FBXW7: variants seen among roughly 807,000 people sequenced by gnomAD.
FBXW7 encodes F-box and WD repeat domain containing 7.
Under a neutral mutation model 86.3 loss-of-function variants are expected in FBXW7, and 11 were observed. That is an observed-to-expected ratio of 0.13 (90% CI 0.08 to 0.21). The LOEUF (loss-of-function observed/expected upper bound fraction) is 0.21, where lower values mean the gene tolerates loss of function less well. FBXW7 is among the 10% of genes least tolerant of loss of function. FBXW7 has a pLI of 1.00. For synonymous variants in FBXW7, 313 were observed against 297.9 expected (o/e 1.05, Z -0.52); for missense variants, 488 against 847.4 (o/e 0.58, Z 5.27).
intron 2 of FBXW7, among the ~76,000 whole-genome samples, chr4:152,458,023 T>C (rs1742593062): frequency 6.6e-6 from 1 of 152,094 alleles, no homozygotes; most frequent in Non-Finnish European, 1.5e-5. Context: ...TTTTGTTTTG[T>C]TTTTGAGATG....
chr4:152,378,451 C>T (rs927017524), intron 4 of FBXW7, among the ~76,000 whole-genome samples: 5 of 152,128 alleles, frequency 3.3e-5, no homozygotes, highest in Admixed American at 3.3e-4. Context: ...TCCTGTGTTG[C>T]TGATGCCTAT....
At chr4:152,520,229 C>A (rs1197599584) in intron 2 of FBXW7, among the ~76,000 whole-genome samples, 2 of 151,408 alleles carry the variant, frequency 1.3e-5, no homozygotes, top group African/African-American at 2.4e-5. Context: ...GTCAGGAGAT[C>A]GAGACCATCC....
chr4:152,350,456 G>A (rs1034233818), intron 4 of FBXW7, among the ~76,000 whole-genome samples: 1 of 151,582 alleles, frequency 6.6e-6, no homozygotes. Context: ...AAAATCTCAA[G>A]TTAATCCACA....
chr4:152,352,885 A>C (rs1578966146), intron 4 of FBXW7: 2 of 1,454,790 alleles, frequency 1.4e-6, no homozygotes, highest in Non-Finnish European at 1.8e-6. Flanking sequence ...TGAACACAGA[A>C]TGGTGCAGTC....
At chr4:152,439,470 C>A (rs1030603786) in intron 2 of FBXW7, among the ~76,000 whole-genome samples, 1 of 152,070 alleles carries the variant, frequency 6.6e-6, no homozygotes, top group Non-Finnish European at 1.5e-5. Flanking sequence ...TACACAGGAA[C>A]AAGCCACTCA....
chr4:152,449,246 A>C (rs1741691985), intron 2 of FBXW7, among the ~76,000 whole-genome samples: 1 of 152,208 alleles, frequency 6.6e-6, no homozygotes, highest in African/African-American at 2.4e-5. Context: ...CTATAGATTA[A>C]TTTACAGAAT....
chr4:152,523,373 A>G (rs2149734799), intron 2 of FBXW7, among the ~76,000 whole-genome samples: 1 of 152,364 alleles, frequency 6.6e-6, no homozygotes, highest in Non-Finnish European at 1.5e-5. Context: ...TAAAGGGTAG[A>G]AAACACAAAA....
intron 2 of FBXW7, among the ~76,000 whole-genome samples, chr4:152,449,025 C>T (rs2127010204): frequency 6.6e-6 from 1 of 152,258 alleles, no homozygotes; most frequent in Middle Eastern, 3.4e-3. Flanking sequence ...GAATGAGCTC[C>T]ACCCCTCCCC....
chr4:152,440,206 T>C (rs1740762681), intron 2 of FBXW7, among the ~76,000 whole-genome samples: 1 of 152,202 alleles, frequency 6.6e-6, no homozygotes, highest in Non-Finnish European at 1.5e-5. Context: ...AAATTTTTTT[T>C]CAGTTTCTTA....
chr4:152,493,275 G>A (rs1373236649), intron 2 of FBXW7, among the ~76,000 whole-genome samples: 3 of 151,622 alleles, frequency 2.0e-5, no homozygotes, highest in South Asian at 4.2e-4. Flanking sequence ...AGCGATTCTC[G>A]TGCCTCAGCC....
Position 152,320,648 on chromosome 4 carries a change from C to T in FBXW7, c.*2233G>A, listed in dbSNP as rs1435213967. ...CGGCTACAGAACAGTCAGAAAGTAC[C>T]AGAAAAATGGCTTATTTCCCTCTCA... On this transcript the variant is annotated 3_prime_UTR_variant, in exon 14 of 14. Transcript: ENST00000281708. The T allele has an allele frequency of 1.3e-5, 2 of 151,766 alleles. No individual in the cohort carries two copies. Among genetic ancestry groups the T allele is most frequent in the African/African-American group, 2.4e-5 (1 of 41,326 alleles). The allele number at this position is 151,766 out of a possible 1,614,324, so 9.4% of individuals were successfully genotyped here.
chr4:152,522,608 T>C (rs1480278793), intron 2 of FBXW7, among the ~76,000 whole-genome samples: 1 of 152,082 alleles, frequency 6.6e-6, no homozygotes, highest in Non-Finnish European at 1.5e-5. Context: ...ACCTAACCTC[T>C]ACCCACGAGA....
intron 2 of FBXW7, among the ~76,000 whole-genome samples, chr4:152,506,187 G>A (rs1199002970): frequency 4.6e-5 from 7 of 151,598 alleles, no homozygotes; most frequent in African/African-American, 9.7e-5. Flanking sequence ...GCGGGAGTGC[G>A]GTGGCACGAT....
At chr4:152,395,329 C>T (rs1242752550) in intron 4 of FBXW7, among the ~76,000 whole-genome samples, 4 of 152,020 alleles carry the variant, frequency 2.6e-5, no homozygotes, top group Non-Finnish European at 4.4e-5. Flanking sequence ...CTGGTGCAGA[C>T]ACTTAAGAGT....
intron 4 of FBXW7, among the ~76,000 whole-genome samples, chr4:152,387,619 A>AC (rs1475983706): frequency 3.3e-5 from 5 of 151,544 alleles, no homozygotes; most frequent in East Asian, 3.8e-4. Flanking sequence ...AAAAAAAAAA[A>AC]AAAAACATCC....
intron 2 of FBXW7, among the ~76,000 whole-genome samples, chr4:152,479,040 CGAT>C (rs1744652140): frequency 6.6e-6 from 1 of 151,908 alleles, no homozygotes; most frequent in Non-Finnish European, 1.5e-5. Flanking sequence ...ATCTAATAAA[CGAT>C]AAACAAGGAT....
intron 2 of FBXW7, among the ~76,000 whole-genome samples, chr4:152,484,550 C>T (rs1745175420): frequency 6.6e-6 from 1 of 152,194 alleles, no homozygotes. Flanking sequence ...GGAAAATCAA[C>T]TGCAGAACAA....
intron 2 of FBXW7, among the ~76,000 whole-genome samples, chr4:152,484,416 AG>A (rs1225909177): frequency 1.2e-4 from 19 of 152,244 alleles, no homozygotes; most frequent in African/African-American, 4.6e-4. Context: ...TATCTACTTG[AG>A]GGGAAAAAGA....
chr4:152,474,330 G>T (rs979985110), intron 2 of FBXW7, among the ~76,000 whole-genome samples: 16 of 152,190 alleles, frequency 1.1e-4, no homozygotes, highest in African/African-American at 2.4e-5. Flanking sequence ...TTTAAATCTA[G>T]CATGTTTAGA....
Sources: gnomAD v4.1 joint callset for allele counts (sites outside exome capture counted in the v4.1 genomes callset) on GRCh38, gnomAD v4.1.1 for gene constraint, MANE v1.5 for transcripts, NCBI Gene and HGNC (gene_info 2026-07-23, HGNC 2026-07-21) for gene names.